XKR4: variants seen among roughly 807,000 people sequenced by gnomAD.
XKR4 encodes XK related 4.
In XKR4, 12 loss-of-function variants were observed where a neutral mutation model predicts 53.9. That is an observed-to-expected ratio of 0.22 (90% CI 0.14 to 0.36). The LOEUF is 0.36. Ranked by LOEUF, XKR4 falls within the 10% of genes least tolerant of loss-of-function variation. The pLI, the probability that XKR4 is intolerant of heterozygous loss-of-function variation, is 1.00. For missense variants in XKR4, 799 were observed against 859.5 expected (o/e 0.93, Z 0.88); for synonymous variants, 354 against 362.4 (o/e 0.98, Z 0.26).
At chr8:55,295,943 A>G (rs1162476285) in intron 1 of XKR4, among the ~76,000 whole-genome samples, 2 of 152,234 alleles carry the variant, frequency 1.3e-5, no homozygotes, top group African/African-American at 4.8e-5. Flanking sequence ...TAAAATGAAG[A>G]TAGTATTTCA....
At position 55,325,542 on chromosome 8, in the gene XKR4, G is replaced by T. The variant is rs559267860; in HGVS notation, c.807-32136G>T. Among the ~76,000 whole-genome samples the T allele has an allele frequency of 1.0e-3, 154 of 152,264 alleles. 1 individual carries two copies. The highest frequency in any genetic ancestry group is 1.8e-3 in the Non-Finnish European group (125 of 68,020). On this transcript the variant is annotated intron_variant, in intron 1 of 2. Transcript: ENST00000327381. The stretch of plus-strand genomic sequence containing the variant: ...AAAATGAGGAAAACAACTCTTAAAT[G>T]TCTCCTTTGAATTTGAATGTAAATA...
chr8:55,258,910 G>A (rs1165072583), intron 1 of XKR4, among the ~76,000 whole-genome samples: 1 of 152,158 alleles, frequency 6.6e-6, no homozygotes, highest in African/African-American at 2.4e-5. Context: ...ATTGGTTTTA[G>A]GATCTTCTCA....
intron 2 of XKR4, among the ~76,000 whole-genome samples, chr8:55,516,909 A>G (rs1015689586): frequency 2.0e-5 from 3 of 152,212 alleles, no homozygotes; most frequent in Non-Finnish European, 2.9e-5. Context: ...TAAAAAAAAT[A>G]TGGTACATGT....
intron 1 of XKR4, among the ~76,000 whole-genome samples, chr8:55,196,798 C>T (rs530491477): frequency 1.3e-5 from 2 of 152,190 alleles, no homozygotes; most frequent in South Asian, 4.2e-4. Flanking sequence ...TCTTTTAGGA[C>T]AGCATAAAAT....
chr8:55,509,330 G>C lies in XKR4; in HGVS notation c.1007-13951G>C, dbSNP rs1274354554. On this transcript the variant is annotated intron_variant, in intron 2 of 2. Transcript: ENST00000327381. ...CTTAATTGTGAACTCATACTTCCAG[G>C]AATGCTTCTTAAACTGAATTAAATT... is the stretch of plus-strand genomic sequence containing the variant. Among the ~76,000 whole-genome samples the C allele has an allele frequency of 2.0e-5, 3 of 152,156 alleles. No homozygotes were observed. The East Asian group carries it at 5.8e-4, about 29-fold the overall frequency.
rs569082842 is a variant in XKR4, at chr8:55,401,221, G to A, written c.1006+43344G>A. Among the ~76,000 whole-genome samples the A allele has an allele frequency of 9.2e-5, 14 of 152,296 alleles. 1 individual carries two copies. Among genetic ancestry groups the A allele is most frequent in the East Asian group, 1.9e-4 (1 of 5,170 alleles). ...CACCTGCAACCTTAGAGGACATGCC[G>A]GCTGAGCTGGCATTTGTTGTGGCTG... On this transcript the variant is annotated intron_variant, in intron 2 of 2. Transcript: ENST00000327381.
chr8:55,394,653 T>A (rs538787352), intron 2 of XKR4, among the ~76,000 whole-genome samples: 1 of 152,312 alleles, frequency 6.6e-6, no homozygotes, highest in South Asian at 2.1e-4. Context: ...AGAGAGTTAT[T>A]TAAACACACA....
intron 2 of XKR4, among the ~76,000 whole-genome samples, chr8:55,489,621 G>C (rs899787864): frequency 6.6e-6 from 1 of 151,354 alleles, no homozygotes; most frequent in Non-Finnish European, 1.5e-5. Flanking sequence ...TTATTATGAT[G>C]CATCAAATAT....
At chr8:55,298,577 G>A (rs929862218) in intron 1 of XKR4, among the ~76,000 whole-genome samples, 1 of 152,062 alleles carries the variant, frequency 6.6e-6, no homozygotes, top group Admixed American at 6.6e-5. Context: ...ACTGGAGGGA[G>A]GGCAGCAAGC....
intron 1 of XKR4, among the ~76,000 whole-genome samples, chr8:55,148,364 C>G (rs1816797316): frequency 6.6e-6 from 1 of 151,900 alleles, no homozygotes; most frequent in South Asian, 2.1e-4. Flanking sequence ...TAGATCACAC[C>G]ACTGCACTCC....
intron 2 of XKR4, chr8:55,451,705 T>G: frequency 1.5e-6 from 2 of 1,334,380 alleles, no homozygotes; most frequent in Non-Finnish European, 2.1e-6. Flanking sequence ...GTAGATGGCA[T>G]GCATGCGGTT....
intron 1 of XKR4, among the ~76,000 whole-genome samples, chr8:55,349,090 ACAT>A (rs1182688835): frequency 6.6e-6 from 1 of 152,220 alleles, no homozygotes; most frequent in African/African-American, 2.4e-5. Context: ...ATTTTTACTG[ACAT>A]CTAATATTTA....
chr8:55,447,965 T>C (rs934881914), intron 2 of XKR4, among the ~76,000 whole-genome samples: 6 of 152,204 alleles, frequency 3.9e-5, no homozygotes, highest in Non-Finnish European at 7.3e-5. Context: ...ATGATGTCAG[T>C]TGGCGAGTGA....
intron 1 of XKR4, among the ~76,000 whole-genome samples, chr8:55,103,753 A>T (rs1232590772): frequency 6.6e-6 from 1 of 150,770 alleles, no homozygotes; most frequent in East Asian, 2.0e-4. Flanking sequence ...ATTCTAGTGA[A>T]ATGGGAGTTG....
intron 1 of XKR4, among the ~76,000 whole-genome samples, chr8:55,248,309 A>G (rs756423101): frequency 2.9e-4 from 44 of 152,234 alleles, no homozygotes; most frequent in Non-Finnish European, 5.1e-4. Flanking sequence ...CTTTCTAAAT[A>G]GCTGATTCAT....
chr8:55,514,521 C>T (rs1191273041), intron 2 of XKR4, among the ~76,000 whole-genome samples: 1 of 152,030 alleles, frequency 6.6e-6, no homozygotes, highest in Non-Finnish European at 1.5e-5. Flanking sequence ...CCTCCCAAAG[C>T]ATGCTGGGAT....
In XKR4 at chr8:55,181,253, C is replaced by T. The variant is rs190030319; in HGVS notation, c.806+77959C>T. Among the ~76,000 whole-genome samples, 16 of 152,278 alleles carry T rather than the reference C, an allele frequency of 1.1e-4. No homozygotes were observed. In the East Asian group the frequency reaches 2.5e-3, roughly 24 times the overall value. On this transcript the variant is annotated intron_variant, in intron 1 of 2. Coordinates refer to ENST00000327381, the MANE Select transcript of XKR4 (RefSeq NM_052898.2). ...AGAATTAATTGGTTGGGTCTAATAT[C>T]ATCGTTTCTTTCTCTGTGTGTGTCT... is the stretch of plus-strand genomic sequence containing the variant.
chr8:55,346,636 A>G (rs1803646456), intron 1 of XKR4, among the ~76,000 whole-genome samples: 1 of 151,532 alleles, frequency 6.6e-6, no homozygotes, highest in South Asian at 2.1e-4. Flanking sequence ...TAGGATGACA[A>G]GTCATACAAT....
At chr8:55,490,608 A>G (rs1159893935) in intron 2 of XKR4, among the ~76,000 whole-genome samples, 5 of 152,228 alleles carry the variant, frequency 3.3e-5, no homozygotes, top group Admixed American at 3.3e-4. Flanking sequence ...CCCCCAAAAA[A>G]TATAAAATTA....
Sources: gnomAD v4.1 joint callset for allele counts (sites outside exome capture counted in the v4.1 genomes callset) on GRCh38, gnomAD v4.1.1 for gene constraint, MANE v1.5 for transcripts, NCBI Gene and HGNC (gene_info 2026-07-23, HGNC 2026-07-21) for gene names.